The following DPY19L3 variants were observed in gnomAD, a reference collection of about 807,000 sequenced individuals.
DPY19L3 encodes protein C-mannosyl-transferase DPY19L3.
A neutral mutation model predicts 92.3 loss-of-function variants in DPY19L3; 51 were observed. That is an observed-to-expected ratio of 0.55 (90% CI 0.44 to 0.70). The LOEUF is 0.70. DPY19L3 is among the 30% of genes least tolerant of loss of function. The pLI is 0.00. For missense variants in DPY19L3, 706 were observed against 855.9 expected (o/e 0.82, Z 2.18); for synonymous variants, 309 against 315.2 (o/e 0.98, Z 0.21).
intron 3 of DPY19L3, among the ~76,000 whole-genome samples, chr19:32,431,228 A>G (rs111581141): frequency 1.4e-3 from 212 of 152,126 alleles, no homozygotes; most frequent in African/African-American, 4.7e-3. Flanking sequence ...AAAAATACCA[A>G]ATTAGCCGGG....
At chr19:32,479,523 G>A (rs1970609778) in intron 17 of DPY19L3, 1 of 376,090 alleles carries the variant, frequency 2.7e-6, no homozygotes, top group Admixed American at 3.2e-5. Flanking sequence ...CAACACAGTT[G>A]TCACAGTAAC....
intron 8 of DPY19L3, among the ~76,000 whole-genome samples, chr19:32,449,855 A>G (rs1167125592): frequency 6.6e-6 from 1 of 152,232 alleles, no homozygotes; most frequent in East Asian, 1.9e-4. Context: ...TTGGAGTAGC[A>G]CAAACCTTAG....
At chr19:32,435,969 C>T (rs1051107592) in intron 4 of DPY19L3, among the ~76,000 whole-genome samples, 1 of 152,246 alleles carries the variant, frequency 6.6e-6, no homozygotes, top group African/African-American at 2.4e-5. Context: ...AGGGCAAGAG[C>T]AAGAGCTGGT....
At position 32,411,218 on chromosome 19, in the gene DPY19L3, TC is replaced by T. The variant is rs1177245843; in HGVS notation, c.104-20del. ...ATTTTTTTACTGACTTAGTTATTTA[TC>T]TGTTCCATTTTTCCAAAAGGTTGTA... On this transcript the variant is annotated intron_variant, in intron 2 of 18. Coordinates refer to ENST00000392250, the MANE Select transcript of DPY19L3 (RefSeq NM_001172774.2). 8 of 1,598,764 alleles carry T rather than the reference TC, an allele frequency of 5.0e-6. No homozygotes were observed. Among genetic ancestry groups the T allele is most frequent in the Non-Finnish European group, 6.8e-6 (8 of 1,175,304 alleles).
chr19:32,418,347 T>A (rs1968446351), intron 3 of DPY19L3, among the ~76,000 whole-genome samples: 1 of 152,256 alleles, frequency 6.6e-6, no homozygotes, highest in Admixed American at 6.5e-5. Flanking sequence ...CATTTGGTTT[T>A]GTGTTTTGCT....
intron 3 of DPY19L3, among the ~76,000 whole-genome samples, chr19:32,415,827 A>C (rs1381777900): frequency 1.3e-5 from 2 of 152,252 alleles, no homozygotes; most frequent in African/African-American, 2.4e-5. Flanking sequence ...GGGAAAAATC[A>C]GAAAGAAAAT....
chr19:32,430,115 A>C (rs1463333159), intron 3 of DPY19L3, among the ~76,000 whole-genome samples: 1 of 152,186 alleles, frequency 6.6e-6, no homozygotes, highest in Non-Finnish European at 1.5e-5. Context: ...AGGCCCAGGC[A>C]CTGTGGCTTC....
chr19:32,453,130 C>A lies in DPY19L3; in HGVS notation c.856-15C>A, dbSNP rs1969758632. Reference sequence around the variant, plus strand: ...GGTAAAATGTCTGTACTCATCTAATCTTTGGTTCTTGCAGGCGACATGGCT... The same window carrying A: ...GGTAAAATGTCTGTACTCATCTAATATTTGGTTCTTGCAGGCGACATGGCT... On this transcript the variant is annotated splice_polypyrimidine_tract_variant and intron_variant, in intron 8 of 18. Transcript: ENST00000392250. 6.2e-7 allele frequency: 1 copy of A among 1,613,648 alleles called. No individual in the cohort carries two copies. Among genetic ancestry groups the A allele is most frequent in the African/African-American group, 1.3e-5 (1 of 75,018 alleles).
chr19:32,425,106 A>G (rs1186024210), intron 3 of DPY19L3, among the ~76,000 whole-genome samples: 1 of 152,262 alleles, frequency 6.6e-6, no homozygotes, highest in Non-Finnish European at 1.5e-5. Context: ...CTAAATGTCT[A>G]AAACTATAAA....
Position 32,406,057 on chromosome 19 carries a change from G to A in DPY19L3, c.-38+148G>A, listed in dbSNP as rs1453598699. ...TCGGGGGGCGCGGCCGCGGCGTCGG[G>A]GCGTCGGGAGGGGCGGAGCGCGGGA... On this transcript the variant is annotated intron_variant, in intron 1 of 18. Transcript: ENST00000392250. 3 of 151,512 alleles carry A rather than the reference G, an allele frequency of 2.0e-5. No homozygotes were observed. The East Asian group carries it at 5.8e-4, about 29-fold the overall frequency. 9.4% of individuals were successfully genotyped at this position (151,512 alleles called of 1,614,324 possible).
At chr19:32,418,704 T>TG (rs1337295981) in intron 3 of DPY19L3, among the ~76,000 whole-genome samples, 5 of 152,338 alleles carry the variant, frequency 3.3e-5, no homozygotes, top group Non-Finnish European at 5.9e-5. Context: ...TTTCCTGTTT[T>TG]GGGGTTATAA....
chr19:32,450,363 T>C (rs1969660127), intron 8 of DPY19L3, among the ~76,000 whole-genome samples: 1 of 152,172 alleles, frequency 6.6e-6, no homozygotes, highest in Admixed American at 6.5e-5. Context: ...TACCATATGA[T>C]TTAGCAATCC....
intron 3 of DPY19L3, among the ~76,000 whole-genome samples, chr19:32,419,099 G>T (rs1472855852): frequency 1.3e-5 from 2 of 150,752 alleles, no homozygotes; most frequent in African/African-American, 4.9e-5. Context: ...ACCCTTTATT[G>T]AATGTCTGTT....
At chr19:32,445,624 G>A (rs375837138) in intron 8 of DPY19L3, among the ~76,000 whole-genome samples, 1 of 152,070 alleles carries the variant, frequency 6.6e-6, no homozygotes, top group East Asian at 1.9e-4. Flanking sequence ...GAATTTAAGA[G>A]CATCAGAAAG....
At chr19:32,459,448 T>C (rs1348676734) in intron 12 of DPY19L3, among the ~76,000 whole-genome samples, 1 of 152,220 alleles carries the variant, frequency 6.6e-6, no homozygotes, top group African/African-American at 2.4e-5. Flanking sequence ...GTTGAGAGGT[T>C]TTATGATCAT....
chr19:32,452,403 T>A lies in DPY19L3; in HGVS notation c.856-742T>A, dbSNP rs553474974. 7.2e-5 allele frequency among the ~76,000 whole-genome samples: 11 copies of A among 152,220 alleles called. No homozygotes were observed. In the South Asian group the frequency reaches 2.1e-3, roughly 29 times the overall value. On this transcript the variant is annotated intron_variant, in intron 8 of 18. Coordinates refer to ENST00000392250, the MANE Select transcript of DPY19L3 (RefSeq NM_001172774.2). ...CTAATCAGGGGATCTGGGCACACAC[T>A]CACACAGACAAAGCAAGGAATGATA...
intron 7 of DPY19L3, among the ~76,000 whole-genome samples, chr19:32,439,552 C>T (rs535289119): frequency 1.3e-5 from 2 of 152,250 alleles, no homozygotes; most frequent in Non-Finnish European, 2.9e-5. Context: ...GCATTATCGC[C>T]TCCATAATAG....
At chr19:32,426,831 G>A (rs562891989) in intron 3 of DPY19L3, among the ~76,000 whole-genome samples, 37 of 152,328 alleles carry the variant, frequency 2.4e-4, no homozygotes, top group Non-Finnish European at 4.7e-4. Flanking sequence ...AATAGCTGTT[G>A]CAGAAATGGT....
intron 8 of DPY19L3, among the ~76,000 whole-genome samples, chr19:32,451,522 T>C (rs1277135439): frequency 6.6e-6 from 1 of 152,218 alleles, no homozygotes; most frequent in African/African-American, 2.4e-5. Context: ...TCAATGCTTC[T>C]ATCAATAGGT....
Sources: allele counts gnomAD v4.1 joint callset (sites outside exome capture counted in the v4.1 genomes callset), GRCh38; gene constraint gnomAD v4.1.1; transcripts MANE v1.5; gene names NCBI Gene and HGNC (gene_info 2026-07-23, HGNC 2026-07-21).